The following ZNF141 variants were observed in gnomAD, a reference collection of about 807,000 sequenced individuals.
ZNF141 encodes the protein zinc finger protein 141 (clone pHZ-44).
A neutral mutation model predicts 11.3 loss-of-function variants in ZNF141; 7 were observed. That is an observed-to-expected ratio of 0.62 (90% CI 0.35 to 1.16). The LOEUF is 1.16. Among genes scored for constraint, ZNF141 ranks in the 50% most tolerant of loss-of-function variants. The pLI is 0.02. For missense variants in ZNF141, 535 were observed against 554.0 expected (o/e 0.97, Z 0.34); for synonymous variants, 183 against 190.7 (o/e 0.96, Z 0.33).
chr4:344,520 G>A, intron 3 of ZNF141, 90 bp downstream of exon 3: 1 of 1,122,388 alleles, frequency 8.9e-7, no homozygotes, highest in Non-Finnish European at 1.3e-6. Context: ...TTGGGGCCGG[G>A]TGCAGTGGCT....
At chr4:358,827 G>A (rs1721978034) in intron 3 of ZNF141, among the ~76,000 whole-genome samples, 1 of 152,072 alleles carries the variant, frequency 6.6e-6, no homozygotes, top group South Asian at 2.1e-4. Flanking sequence ...ATCCGCCTCG[G>A]CCTCCCAAAG....
chr4:358,085 C>T, intron 3 of ZNF141: 1 of 289,324 alleles, frequency 3.5e-6, no homozygotes, highest in Non-Finnish European at 6.6e-6. Flanking sequence ...TTTTTTTTTC[C>T]TGTAGAACTG....
At chr4:350,132 A>T (rs577866290) in intron 3 of ZNF141, 2 of 533,910 alleles carry the variant, frequency 3.7e-6, no homozygotes, top group Non-Finnish European at 3.9e-6. Flanking sequence ...TGAATTTGAG[A>T]GAGGTTACAG....
intron 3 of ZNF141, among the ~76,000 whole-genome samples, chr4:366,300 T>C (rs1711737968): frequency 6.6e-6 from 1 of 152,210 alleles, no homozygotes; most frequent in South Asian, 2.1e-4. Context: ...TTCAGTTTTT[T>C]ATCAATTTTG....
chr4:339,092 T>TG (rs1720930551), intron 1 of ZNF141, among the ~76,000 whole-genome samples: 2 of 152,230 alleles, frequency 1.3e-5, no homozygotes, highest in Non-Finnish European at 2.9e-5. Flanking sequence ...GCCCGCCCAT[T>TG]GGGCATTCGC....
chr4:351,503 C>T (rs1271466011), intron 3 of ZNF141, among the ~76,000 whole-genome samples: 1 of 152,120 alleles, frequency 6.6e-6, no homozygotes, highest in Non-Finnish European at 1.5e-5. Context: ...AGATTACAGG[C>T]GTGAGCAACC....
At chr4:347,890 G>C (rs1721413071) in intron 3 of ZNF141, among the ~76,000 whole-genome samples, 1 of 151,028 alleles carries the variant, frequency 6.6e-6, no homozygotes, top group African/African-American at 2.4e-5. Flanking sequence ...TGTCGCCCGA[G>C]CTGAAGTGCA....
chr4:359,676 A>G (rs1473245206), intron 3 of ZNF141, among the ~76,000 whole-genome samples: 2 of 152,154 alleles, frequency 1.3e-5, no homozygotes, highest in African/African-American at 2.4e-5. Flanking sequence ...ACAGGGACAC[A>G]TGTAGCTGTG....
rs552794628 is a variant in ZNF141 at position 374,128 on chromosome 4, A to G, written c.*266A>G. The G allele has an allele frequency of 2.0e-6, 1 of 489,704 alleles. No homozygotes were observed. Among genetic ancestry groups the G allele is most frequent in the South Asian group, 2.6e-5 (1 of 38,228 alleles). 30.3% of individuals were successfully genotyped at this position (489,704 alleles called of 1,614,324 possible). On this transcript the variant is annotated 3_prime_UTR_variant, in exon 4 of 4. Transcript: ENST00000240499. The stretch of plus-strand genomic sequence containing the variant: ...ATTATTACTGGAGATAAACCCTGCA[A>G]ATGTAAAGAGTGTAACAAAACCTTT...
At chr4:365,140 G>T (rs565387609) in intron 3 of ZNF141, among the ~76,000 whole-genome samples, 46 of 152,320 alleles carry the variant, frequency 3.0e-4, no homozygotes, top group South Asian at 1.2e-3. Flanking sequence ...TGGCAAGCCA[G>T]GCGTGGGATA....
rs556170981 is a variant in ZNF141, at chr4:355,685, CA to C, written c.226+11256del. 2.0e-5 allele frequency among the ~76,000 whole-genome samples: 3 copies of C among 152,250 alleles called. No homozygotes were observed. The South Asian group carries it at 6.2e-4, about 32-fold the overall frequency. On this transcript the variant is annotated intron_variant, in intron 3 of 3. Transcript: ENST00000240499. ...ATATTGTTGATTTTTAAAATCGATT[CA>C]GACATTCTGTGAATGTTTTAGATTG...
Position 372,780 on chromosome 4 carries a change from A to C in ZNF141, c.343A>C (p.Lys115Gln), listed in dbSNP as rs1020585554. 1.2e-6 allele frequency: 2 copies of C among 1,613,212 alleles called. No homozygotes were observed. Among genetic ancestry groups the C allele is most frequent in the Non-Finnish European group, 1.7e-6 (2 of 1,179,350 alleles). Residue 115 changes from lysine to glutamine, a missense_variant, in exon 4 of 4, where the codon AAA becomes CAA. Physicochemically the swap from Lys to Gln is moderately conservative, Grantham distance 53. Transcript: ENST00000240499. ...KCGHDNLQLRKGCKSLNECKL... is the reference protein window; with the variant it reads ...KCGHDNLQLRQGCKSLNECKL... ...TGGACATGATAATTTACAATTAAGA[A>C]AAGGCTGTAAAAGTTTGAATGAGTG...
At chr4:344,578 G>A (rs1337919333) in intron 3 of ZNF141, 148 bp downstream of exon 3, 11 of 538,834 alleles carry the variant, frequency 2.0e-5, no homozygotes, top group African/African-American at 1.2e-4. Context: ...GGCGGATCAC[G>A]AGGTCAAGAG....
rs1205868406 is a variant in ZNF141 at position 384,053 on chromosome 4, C to CA, written c.*10192dup. 2 of 152,222 alleles carry CA rather than the reference C, an allele frequency of 1.3e-5. No homozygotes were observed. Among genetic ancestry groups the CA allele is most frequent in the African/African-American group, 2.4e-5 (1 of 41,452 alleles). The allele number at this position is 152,222 out of a possible 1,614,324, so 9.4% of individuals were successfully genotyped here. ...GTCAAGGACCTGGACAGTTCACACT[C>CA]ACGGCCTTCCTTCTGGTAACAGAAG... On this transcript the variant is annotated 3_prime_UTR_variant, in exon 4 of 4. Transcript: ENST00000240499.
In ZNF141 at chr4:377,617, A is replaced by G. The variant is rs1271242833; in HGVS notation, c.*3755A>G. 6.6e-6 allele frequency among the ~76,000 whole-genome samples: 1 copy of G among 152,102 alleles called. No homozygotes were observed. Among genetic ancestry groups the G allele is most frequent in the Non-Finnish European group, 1.5e-5 (1 of 68,028 alleles). On this transcript the variant is annotated 3_prime_UTR_variant, in exon 4 of 4. Coordinates refer to ENST00000240499, the MANE Select transcript of ZNF141 (RefSeq NM_003441.4). ...TTAACTGGGGTGTTTGAGGTTATTT[A>G]TAGGTTATCAGTGCAACATTTAGAT...
intron 3 of ZNF141, among the ~76,000 whole-genome samples, chr4:350,721 T>C (rs1581594058): frequency 6.6e-6 from 1 of 151,996 alleles, no homozygotes; most frequent in Non-Finnish European, 1.5e-5. Context: ...AGTGAGTGAG[T>C]TCTCCCGAGA....
intron 3 of ZNF141, among the ~76,000 whole-genome samples, chr4:346,902 C>G (rs1388206964): frequency 6.7e-6 from 1 of 148,172 alleles, no homozygotes; most frequent in Non-Finnish European, 1.5e-5. Context: ...CACCGCCCCC[C>G]CCATATATTG....
rs1224922213 is a variant in ZNF141, at chr4:382,393, G to A, written c.*8531G>A. Among the ~76,000 whole-genome samples, 1 of 152,126 alleles carries A rather than the reference G, an allele frequency of 6.6e-6. No homozygotes were observed. Among genetic ancestry groups the A allele is most frequent in the Admixed American group, 6.6e-5 (1 of 15,264 alleles). ...GGGAAAAAATAGCAGCAGCCCTATT[G>A]CTATGTCACTTGCCTGCAGAGCAAA... On this transcript the variant is annotated 3_prime_UTR_variant, in exon 4 of 4. Coordinates refer to ENST00000240499, the MANE Select transcript of ZNF141 (RefSeq NM_003441.4).
chr4:354,895 T>G (rs1553851012), intron 3 of ZNF141, among the ~76,000 whole-genome samples: 1 of 152,074 alleles, frequency 6.6e-6, no homozygotes, highest in East Asian at 1.9e-4. Flanking sequence ...ATTTAAAAAC[T>G]TGATATGATT....
Sources: allele counts gnomAD v4.1 joint callset (sites outside exome capture counted in the v4.1 genomes callset), GRCh38; gene constraint gnomAD v4.1.1; transcripts MANE v1.5; gene names NCBI Gene and HGNC (gene_info 2026-07-23, HGNC 2026-07-21).